HS6ST3: variants seen among roughly 807,000 people sequenced by gnomAD.
HS6ST3 encodes heparan-sulfate 6-O-sulfotransferase 3.
Under a neutral mutation model 36.7 loss-of-function variants are expected in HS6ST3, and 12 were observed. The observed-to-expected ratio is 0.33, with a 90% CI of 0.21 to 0.53. HS6ST3 has a LOEUF of 0.53. Ranked by LOEUF, HS6ST3 falls within the 20% of genes least tolerant of loss-of-function variation. The pLI, the probability that HS6ST3 is intolerant of heterozygous loss-of-function variation, is 0.95. For synonymous variants in HS6ST3, 240 were observed against 257.5 expected (o/e 0.93, Z 0.65); for missense variants, 584 against 640.9 (o/e 0.91, Z 0.96).
chr13:96,749,204 T>A (rs1328198431), intron 1 of HS6ST3, among the ~76,000 whole-genome samples: 2 of 152,132 alleles, frequency 1.3e-5, no homozygotes, highest in Admixed American at 1.3e-4. Context: ...TTTTTTTTTA[T>A]TTTGCCATAA....
rs184251445 is a variant in HS6ST3 at position 96,403,608 on chromosome 13, G to T, written c.707+312039G>T. Among the ~76,000 whole-genome samples, 10 of 152,160 alleles carry T rather than the reference G, an allele frequency of 6.6e-5. No homozygotes were observed. The East Asian group carries it at 1.5e-3, about 24-fold the overall frequency. On this transcript the variant is annotated intron_variant, in intron 1 of 1. Coordinates refer to ENST00000376705, the MANE Select transcript of HS6ST3 (RefSeq NM_153456.4). Reference sequence around the variant, plus strand: ...TCTTCAAGAAGAAAAAAAAATCCCCGTGAGAATAATTAGCTTTTATGAATT... The same window carrying T: ...TCTTCAAGAAGAAAAAAAAATCCCCTTGAGAATAATTAGCTTTTATGAATT...
chr13:96,768,380 T>C (rs1311387240), intron 1 of HS6ST3, among the ~76,000 whole-genome samples: 2 of 152,360 alleles, frequency 1.3e-5, no homozygotes, highest in Non-Finnish European at 2.9e-5. Context: ...ATTTGGGGCC[T>C]GCATTTTGCA....
intron 1 of HS6ST3, among the ~76,000 whole-genome samples, chr13:96,737,926 T>C (rs1333442553): frequency 6.6e-6 from 1 of 152,142 alleles, no homozygotes; most frequent in African/African-American, 2.4e-5. Flanking sequence ...TCCTTCTCTT[T>C]CTCTCTTGCC....
At chr13:96,502,729 G>A (rs1357410252) in intron 1 of HS6ST3, among the ~76,000 whole-genome samples, 2 of 152,170 alleles carry the variant, frequency 1.3e-5, no homozygotes, top group African/African-American at 4.8e-5. Flanking sequence ...CATCTCTCAT[G>A]TGCAGGTAGG....
At chr13:96,407,672 G>T (rs1201276740) in intron 1 of HS6ST3, among the ~76,000 whole-genome samples, 1 of 152,158 alleles carries the variant, frequency 6.6e-6, no homozygotes, top group Non-Finnish European at 1.5e-5. Flanking sequence ...GACATGTAAA[G>T]CAGAATATGA....
intron 1 of HS6ST3, among the ~76,000 whole-genome samples, chr13:96,096,224 A>C (rs1227957739): frequency 6.6e-6 from 1 of 152,170 alleles, no homozygotes; most frequent in Non-Finnish European, 1.5e-5. Flanking sequence ...AAGGTGAGGG[A>C]GGCTTGTTCT....
chr13:96,268,113 C>T (rs2054701910), intron 1 of HS6ST3, among the ~76,000 whole-genome samples: 1 of 151,902 alleles, frequency 6.6e-6, no homozygotes, highest in African/African-American at 2.4e-5. Context: ...ATTGTAATCA[C>T]CTCTTTAAAT....
chr13:96,145,670 T>C (rs564622120), intron 1 of HS6ST3, among the ~76,000 whole-genome samples: 4 of 152,314 alleles, frequency 2.6e-5, no homozygotes, highest in Admixed American at 2.6e-4. Flanking sequence ...AGATCCCATT[T>C]GTCAATTTTG....
chr13:96,528,739 C>G (rs1031628909), intron 1 of HS6ST3, among the ~76,000 whole-genome samples: 19 of 152,114 alleles, frequency 1.2e-4, no homozygotes, highest in African/African-American at 4.6e-4. Context: ...GAAAAATATC[C>G]CCAATTATCT....
chr13:96,647,774 C>T (rs532613491), intron 1 of HS6ST3, among the ~76,000 whole-genome samples: 10 of 151,844 alleles, frequency 6.6e-5, no homozygotes, highest in African/African-American at 2.4e-4. Context: ...ATCTGTTATA[C>T]TTTCATTTCA....
chr13:96,804,093 G>C (rs541887306), intron 1 of HS6ST3, among the ~76,000 whole-genome samples: 5 of 151,712 alleles, frequency 3.3e-5, no homozygotes, highest in South Asian at 2.1e-4. Context: ...CACCAAGGCA[G>C]TGGAGCAGTC....
chr13:96,127,709 G>A (rs1369447078), intron 1 of HS6ST3, among the ~76,000 whole-genome samples: 1 of 152,120 alleles, frequency 6.6e-6, no homozygotes, highest in African/African-American at 2.4e-5. Flanking sequence ...TTCAAATGCT[G>A]GTGTTATTTA....
chr13:96,130,591 A>G (rs899334888), intron 1 of HS6ST3, among the ~76,000 whole-genome samples: 8 of 152,204 alleles, frequency 5.3e-5, no homozygotes, highest in African/African-American at 1.9e-4. Context: ...GGAAAAAATA[A>G]CATACCTAAC....
intron 1 of HS6ST3, among the ~76,000 whole-genome samples, chr13:96,700,691 T>G (rs1212457774): frequency 6.6e-6 from 1 of 152,188 alleles, no homozygotes; most frequent in Non-Finnish European, 1.5e-5. Flanking sequence ...TGTCTGGGTC[T>G]GTGTAGGAAA....
chr13:96,408,533 A>C (rs2055490563), intron 1 of HS6ST3, among the ~76,000 whole-genome samples: 1 of 152,168 alleles, frequency 6.6e-6, no homozygotes, highest in African/African-American at 2.4e-5. Context: ...CAGGAATACA[A>C]AGAGAAAGAA....
rs1566302716 is a variant in HS6ST3, at chr13:96,254,492, T to TAC, written c.707+162924_707+162925insCA. 9.7e-4 allele frequency among the ~76,000 whole-genome samples: 24 copies of TAC among 24,704 alleles called. 1 individual carries two copies. The highest frequency in any genetic ancestry group is 3.4e-3 in the African/African-American group (22 of 6,472). 16.2% of individuals were successfully genotyped at this position (24,704 alleles called of 152,430 possible). On this transcript the variant is annotated intron_variant, in intron 1 of 1. Transcript: ENST00000376705. ...ATATATATATATATATATATATATATATATATACACATACATACACACACA... is the reference window on the plus strand; with the variant it reads ...ATATATATATATATATATATATATATACATATATACACATACATACACACACA...
rs71213623 is a variant in HS6ST3, at chr13:96,658,268, C to CTTTTTTTTTTTTT, written c.708-174204_708-174192dup. Among the ~76,000 whole-genome samples the CTTTTTTTTTTTTT allele has an allele frequency of 2.0e-3, 152 of 76,132 alleles. 16 individuals carry two copies. The highest frequency in any genetic ancestry group is 5.2e-3 in the African/African-American group (97 of 18,500). The allele number at this position is 76,132 out of a possible 152,430, so 49.9% of individuals were successfully genotyped here. A position where few individuals can be genotyped will look rare whatever the true frequency, so the allele number is the denominator to read the frequency against. ...TTCTTCTTCTTCTTCTCTTCTTCTT[C>CTTTTTTTTTTTTT]TTTTTTTTTTTTTTTTTTTTTTTTT... On this transcript the variant is annotated intron_variant, in intron 1 of 1. Transcript: ENST00000376705.
intron 1 of HS6ST3, among the ~76,000 whole-genome samples, chr13:96,245,900 C>T (rs946264937): frequency 3.9e-5 from 6 of 151,994 alleles, no homozygotes; most frequent in Admixed American, 3.3e-4. Context: ...AATAGGGGAA[C>T]ATCCTGGGAT....
At chr13:96,110,483 C>T (rs1263945699) in intron 1 of HS6ST3, among the ~76,000 whole-genome samples, 1 of 150,352 alleles carries the variant, frequency 6.7e-6, no homozygotes, top group African/African-American at 2.4e-5. Context: ...GTCGCCCAGG[C>T]TGGAGTGCAG....
Sources: allele counts gnomAD v4.1 joint callset (sites outside exome capture counted in the v4.1 genomes callset), GRCh38; gene constraint gnomAD v4.1.1; transcripts MANE v1.5; gene names NCBI Gene and HGNC (gene_info 2026-07-23, HGNC 2026-07-21).